Variants in LAMC3 observed in about 807,000 individuals in gnomAD.
The protein encoded by LAMC3 is laminin subunit gamma 3.
A neutral mutation model predicts 173.8 loss-of-function variants in LAMC3; 128 were observed. The ratio of observed to expected loss-of-function variants is 0.74; its 90% CI spans 0.64 to 0.85. The LOEUF is 0.85. Ranked by LOEUF, LAMC3 falls within the 40% of genes least tolerant of loss-of-function variation. The probability of loss-of-function intolerance (pLI) is 0.00; values close to 1 mark genes in which losing one functional copy is unlikely to be tolerated. For synonymous variants in LAMC3, 897 were observed against 909.1 expected, an observed-to-expected ratio of 0.99 and a Z score of 0.24; for missense variants, 2,022 against 2,156.0, an observed-to-expected ratio of 0.94 and a Z score of 1.23.
chr9:131,087,637 GC>G lies in LAMC3; in HGVS notation c.4377+19del, dbSNP rs1308992946. 3 of 1,613,792 alleles carry G rather than the reference GC, an allele frequency of 1.9e-6. No homozygotes were observed. ...AAGCTGAGCGGGTACGTTTGCCAGG[GC>G]CCCTACCCTATCGCCTCCTGCCCCT... On this transcript the variant is annotated intron_variant, in intron 26 of 27. Coordinates refer to ENST00000361069, the MANE Select transcript of LAMC3 (RefSeq NM_006059.4).
chr9:131,074,542 A>G (rs1830089978), intron 20 of LAMC3, among the ~76,000 whole-genome samples: 1 of 151,692 alleles, frequency 6.6e-6, no homozygotes, highest in Admixed American at 6.6e-5. Context: ...CTGAAAGTAC[A>G]TAAATTAGCC....
intron 22 of LAMC3, among the ~76,000 whole-genome samples, chr9:131,078,844 C>A (rs1830180144): frequency 6.6e-6 from 1 of 152,196 alleles, no homozygotes; most frequent in Non-Finnish European, 1.5e-5. Flanking sequence ...GGCCACGCAG[C>A]TAGAAATTGG....
In LAMC3 at chr9:131,045,530, C is replaced by T. The variant is rs773691815; in HGVS notation, c.1389C>T (p.Arg463=). 1 of 1,613,580 alleles carries T rather than the reference C, an allele frequency of 6.2e-7. No individual in the cohort carries two copies. Among genetic ancestry groups the T allele is most frequent in the African/African-American group, 1.3e-5 (1 of 74,934 alleles). Residue 463 remains arginine, a synonymous_variant, in exon 8 of 28, where the codon CGC becomes CGT. Transcript: ENST00000361069. The part of the protein sequence containing the change: ...NVEGNLCDRC[R]PGTFNLQPHN... ...TGTCCTGCCTCCATTTCAGATGTCG[C>T]CCGGGGACCTTTAACCTGCAGCCCC...
chr9:131,080,763 C>T (rs1830224330), intron 23 of LAMC3, among the ~76,000 whole-genome samples: 1 of 152,056 alleles, frequency 6.6e-6, no homozygotes, highest in African/African-American at 2.4e-5. Context: ...AGGTGACTTC[C>T]CCAGGAGTCA....
Position 131,067,141 on chromosome 9 carries a change from T to C in LAMC3, c.2529T>C (p.Cys843=). 6.2e-7 allele frequency: 1 copy of C among 1,614,186 alleles called. No homozygotes were observed. Among genetic ancestry groups the C allele is most frequent in the Middle Eastern group, 1.6e-4 (1 of 6,062 alleles). ...TGCACAACACCACGGGTGACCACTG[T>C]GAGCACTGTCAGGAAGGCTTCTACG... ...RCLHNTTGDH[C]EHCQEGFYGS... Residue 843 remains cysteine (C), a synonymous_variant, in exon 14 of 28, where the codon TGT becomes TGC. Coordinates refer to ENST00000361069, the MANE Select transcript of LAMC3 (RefSeq NM_006059.4).
chr9:131,064,564 G>A (rs899444581), intron 13 of LAMC3, among the ~76,000 whole-genome samples: 2 of 152,038 alleles, frequency 1.3e-5, no homozygotes, highest in Non-Finnish European at 2.9e-5. Context: ...GCGGGAGGCT[G>A]AGGCAGGAGA....
At chr9:131,060,499 A>G (rs1190414998) in intron 12 of LAMC3, among the ~76,000 whole-genome samples, 1 of 151,738 alleles carries the variant, frequency 6.6e-6, no homozygotes, top group East Asian at 1.9e-4. Context: ...CAAAAATTAG[A>G]CAGGTGTGGT....
chr9:131,045,234 A>ACAAC lies in LAMC3; in HGVS notation c.1383-290_1383-289insCAAC, dbSNP rs1554786019. Among the ~76,000 whole-genome samples, 25 of 90,434 alleles carry ACAAC rather than the reference A, an allele frequency of 2.8e-4. No individual in the cohort carries two copies. In the East Asian group the frequency reaches 3.8e-3, roughly 14 times the overall value. 59.3% of individuals were successfully genotyped at this position (90,434 alleles called of 152,430 possible). On this transcript the variant is annotated intron_variant, in intron 7 of 27. Coordinates refer to ENST00000361069, the MANE Select transcript of LAMC3 (RefSeq NM_006059.4). ...AAGACTCTGTCTCAAAAAAAAAAAA[A>ACAAC]AACAACAACAACAAAAAAACAAAAC...
chr9:131,014,898 G>A (rs1382472511), intron 1 of LAMC3, among the ~76,000 whole-genome samples: 2 of 152,178 alleles, frequency 1.3e-5, no homozygotes, highest in South Asian at 2.1e-4. Flanking sequence ...TGGGAGGATC[G>A]CTGGAGCCTG....
intron 11 of LAMC3, among the ~76,000 whole-genome samples, chr9:131,056,633 A>G (rs966127112): frequency 7.2e-5 from 11 of 152,144 alleles, no homozygotes; most frequent in Non-Finnish European, 1.3e-4. Flanking sequence ...CATCTCTACA[A>G]AAATTTTAAA....
chr9:131,089,368 T>C (rs7847692), intron 27 of LAMC3, among the ~76,000 whole-genome samples: 91,643 of 151,642 alleles, frequency 0.6, 28,897 homozygotes, highest in African/African-American at 0.79. Flanking sequence ...TGGAATCATA[T>C]AGTATTTGTA....
At chr9:131,053,444 TGGG>T (rs1834338688) in intron 11 of LAMC3, among the ~76,000 whole-genome samples, 1 of 152,190 alleles carries the variant, frequency 6.6e-6, no homozygotes, top group African/African-American at 2.4e-5. Context: ...ACATCATTGA[TGGG>T]GGTCTGTCAC....
At chr9:131,051,742 G>A (rs1000640035) in intron 9 of LAMC3, among the ~76,000 whole-genome samples, 5 of 151,852 alleles carry the variant, frequency 3.3e-5, no homozygotes, top group African/African-American at 7.3e-5. Flanking sequence ...CTTGACACAC[G>A]CATGTTCCAC....
At chr9:131,053,644 C>G (rs1262674874) in intron 11 of LAMC3, among the ~76,000 whole-genome samples, 1 of 152,110 alleles carries the variant, frequency 6.6e-6, no homozygotes, top group African/African-American at 2.4e-5. Flanking sequence ...ACCAGCCTGG[C>G]CAAGATGGTG....
At chr9:131,079,504 C>T (rs950611374) in intron 23 of LAMC3, among the ~76,000 whole-genome samples, 3 of 152,114 alleles carry the variant, frequency 2.0e-5, no homozygotes, top group Admixed American at 1.3e-4. Context: ...ACCATCCTGG[C>T]TAACATGGTG....
At chr9:131,091,407 T>C in intron 27 of LAMC3, 130 bp from the exon 28 acceptor site, 1 of 1,286,210 alleles carries the variant, frequency 7.8e-7, no homozygotes, top group Non-Finnish European at 1.1e-6. Flanking sequence ...GCTCCCCATC[T>C]TTCCCTGGTG....
At position 131,045,234 on chromosome 9, in the gene LAMC3, AAAC is replaced by A. The variant is rs1199156085; in HGVS notation, c.1383-278_1383-276del. Among the ~76,000 whole-genome samples, 2,697 of 90,416 alleles carry A rather than the reference AAAC, an allele frequency of 0.03. 94 individuals carry two copies. Among genetic ancestry groups the A allele is most frequent in the African/African-American group, 0.094 (2,560 of 27,106 alleles). The allele number at this position is 90,416 out of a possible 152,430, so 59.3% of individuals were successfully genotyped here. A position where few individuals can be genotyped will look rare whatever the true frequency, so the allele number is the denominator to read the frequency against. On this transcript the variant is annotated intron_variant, in intron 7 of 27. Transcript: ENST00000361069. ...AAGACTCTGTCTCAAAAAAAAAAAAAAACAACAACAACAAAAAAACAAAACCTA... is the reference window on the plus strand; with the variant it reads ...AAGACTCTGTCTCAAAAAAAAAAAAAAACAACAACAAAAAAACAAAACCTA...
At chr9:131,061,384 C>A (rs1829820105) in intron 13 of LAMC3, among the ~76,000 whole-genome samples, 161 bp downstream of exon 13, 1 of 152,206 alleles carries the variant, frequency 6.6e-6, no homozygotes, top group Non-Finnish European at 1.5e-5. Flanking sequence ...GACACGGAAT[C>A]CCTCAGCCCC....
chr9:131,064,519 C>T (rs1030962739), intron 13 of LAMC3, among the ~76,000 whole-genome samples: 2 of 151,694 alleles, frequency 1.3e-5, no homozygotes, highest in Admixed American at 6.6e-5. Context: ...AAAAATTAGC[C>T]GGGCGAGGTG....
Sources: allele counts gnomAD v4.1 joint callset (sites outside exome capture counted in the v4.1 genomes callset), GRCh38; gene constraint gnomAD v4.1.1; transcripts MANE v1.5; gene names NCBI Gene and HGNC (gene_info 2026-07-23, HGNC 2026-07-21).